CORO2B: variants seen among roughly 807,000 people sequenced by gnomAD.
CORO2B encodes coronin-2B.
CORO2B carries 26 observed loss-of-function variants against 58.8 expected under a neutral mutation model. That is an observed-to-expected ratio of 0.44 (90% CI 0.32 to 0.61). The LOEUF (loss-of-function observed/expected upper bound fraction) is 0.61. CORO2B is among the 20% of genes least tolerant of loss of function. CORO2B has a pLI of 0.04. For synonymous variants in CORO2B, 242 were observed against 253.8 expected (o/e 0.95, Z 0.44); for missense variants, 460 against 645.1 (o/e 0.71, Z 3.11).
the CORO2B span, among the ~76,000 whole-genome samples, chr15:68,547,018 A>G: frequency 6.6e-6 from 1 of 152,234 alleles, no homozygotes; most frequent in African/African-American, 2.4e-5. Flanking sequence ...TAAATATGAT[A>G]CAAAATGAAG....
At chr15:68,715,825 G>A (rs1308701460) in intron 8 of CORO2B, among the ~76,000 whole-genome samples, 2 of 152,166 alleles carry the variant, frequency 1.3e-5, no homozygotes, top group Non-Finnish European at 2.9e-5. Flanking sequence ...GGTGTAGTGA[G>A]TGAGACCCCA....
chr15:68,676,282 C>A (rs1902582995), intron 2 of CORO2B, among the ~76,000 whole-genome samples: 1 of 152,182 alleles, frequency 6.6e-6, no homozygotes, highest in Non-Finnish European at 1.5e-5. Context: ...CTGCTAGCGT[C>A]CGCATCTGTG....
At chr15:68,667,870 C>T (rs191461060) in intron 2 of CORO2B, among the ~76,000 whole-genome samples, 6 of 152,314 alleles carry the variant, frequency 3.9e-5, no homozygotes, top group South Asian at 2.1e-4. Context: ...CCATGGGCTT[C>T]GGGACCTGTA....
At chr15:68,554,680 A>G in the CORO2B span, among the ~76,000 whole-genome samples, 2 of 152,126 alleles carry the variant, frequency 1.3e-5, no homozygotes, top group Admixed American at 1.3e-4. Context: ...CATTCACTCT[A>G]TGAAAAAGAT....
chr15:68,584,649 A>G (rs927615054), intron 1 of CORO2B, among the ~76,000 whole-genome samples: 14 of 152,176 alleles, frequency 9.2e-5, no homozygotes, highest in Admixed American at 9.2e-4. Flanking sequence ...ATGCCTGGCC[A>G]CAGAGCTTAT....
intron 2 of CORO2B, among the ~76,000 whole-genome samples, chr15:68,661,217 A>T (rs1271935130): frequency 1.3e-5 from 2 of 152,082 alleles, no homozygotes; most frequent in Non-Finnish European, 2.9e-5. Flanking sequence ...TCCTCAAGTG[A>T]TCCACCCACC....
chr15:68,663,311 G>A (rs918571726), intron 2 of CORO2B, among the ~76,000 whole-genome samples: 2 of 152,200 alleles, frequency 1.3e-5, no homozygotes, highest in Non-Finnish European at 2.9e-5. Flanking sequence ...CTATTGATAA[G>A]TATTTCCATT....
At chr15:68,624,028 C>A (rs1900605247) in intron 1 of CORO2B, among the ~76,000 whole-genome samples, 1 of 152,166 alleles carries the variant, frequency 6.6e-6, no homozygotes, top group Non-Finnish European at 1.5e-5. Flanking sequence ...TGGAAAGAGA[C>A]TTGAGACAGA....
chr15:68,622,546 A>G (rs112351790), intron 1 of CORO2B, among the ~76,000 whole-genome samples: 223 of 152,260 alleles, frequency 1.5e-3, no homozygotes, highest in African/African-American at 5.1e-3. Flanking sequence ...GCCTTCAGCA[A>G]TGGGGAACTC....
At chr15:68,610,470 T>C (rs1900222686) in intron 1 of CORO2B, among the ~76,000 whole-genome samples, 1 of 152,072 alleles carries the variant, frequency 6.6e-6, no homozygotes, top group Admixed American at 6.5e-5. Flanking sequence ...CAGACCCCCT[T>C]GTTCCAGGAA....
chr15:68,548,453 T>C, the CORO2B span, among the ~76,000 whole-genome samples: 1 of 152,160 alleles, frequency 6.6e-6, no homozygotes, highest in East Asian at 1.9e-4. Context: ...GATTTCAAGC[T>C]GCCAACAGGA....
intron 1 of CORO2B, among the ~76,000 whole-genome samples, chr15:68,598,106 G>A (rs1899886727): frequency 6.6e-6 from 1 of 152,230 alleles, no homozygotes; most frequent in South Asian, 2.1e-4. Context: ...CATCCACCTT[G>A]TTCCATAGAC....
the CORO2B span, among the ~76,000 whole-genome samples, chr15:68,559,436 G>C: frequency 2.6e-5 from 4 of 151,610 alleles, no homozygotes; most frequent in Non-Finnish European, 5.9e-5. The surrounding 1 kb of genome is among the most constrained non-coding windows in gnomAD (Gnocchi z 4.3). Context: ...CGTCTGAATG[G>C]TTTGGAGCAC....
chr15:68,567,320 G>A, the CORO2B span, among the ~76,000 whole-genome samples: 1 of 152,108 alleles, frequency 6.6e-6, no homozygotes, highest in East Asian at 1.9e-4. Context: ...AGCGGCCAAA[G>A]CAAAAGATGC....
the CORO2B span, among the ~76,000 whole-genome samples, chr15:68,531,121 C>A: frequency 1.3e-5 from 2 of 152,154 alleles, no homozygotes; most frequent in African/African-American, 2.4e-5. Flanking sequence ...ACACTATACT[C>A]TCATTTCCCC....
chr15:68,608,413 T>TGG (rs1900174247), intron 1 of CORO2B, among the ~76,000 whole-genome samples: 2 of 152,140 alleles, frequency 1.3e-5, no homozygotes, highest in African/African-American at 2.4e-5. Flanking sequence ...GAAGGACAAC[T>TGG]CCCCTGGCCA....
chr15:68,566,462 C>A, the CORO2B span, among the ~76,000 whole-genome samples: 1 of 152,158 alleles, frequency 6.6e-6, no homozygotes, highest in African/African-American at 2.4e-5. Context: ...GGTCTCTGAG[C>A]CTGTGGGTAC....
chr15:68,602,007 G>A (rs1035032495), intron 1 of CORO2B, among the ~76,000 whole-genome samples: 1 of 148,490 alleles, frequency 6.7e-6, no homozygotes, highest in Non-Finnish European at 1.5e-5. Flanking sequence ...CGATGGGAAG[G>A]CTTTTTTTTT....
the CORO2B span, among the ~76,000 whole-genome samples, chr15:68,542,878 G>A: frequency 1.3e-5 from 2 of 152,342 alleles, no homozygotes; most frequent in South Asian, 4.1e-4. Context: ...TGCCCATGTG[G>A]CATGTGTGCT....
Sources: allele counts gnomAD v4.1 joint callset (sites outside exome capture counted in the v4.1 genomes callset), GRCh38; gene constraint gnomAD v4.1.1; non-coding constraint Gnocchi (gnomAD v3.1); transcripts MANE v1.5; gene names NCBI Gene and HGNC (gene_info 2026-07-23, HGNC 2026-07-21).